The following PCDH1 variants were observed in gnomAD, a reference collection of about 807,000 sequenced individuals.
The protein encoded by PCDH1 is protocadherin 1.
Under a neutral mutation model 74.6 loss-of-function variants are expected in PCDH1, and 23 were observed. The observed-to-expected ratio is 0.31, with a 90% CI of 0.22 to 0.44. The LOEUF (loss-of-function observed/expected upper bound fraction) is 0.44. Ranked by LOEUF, PCDH1 falls within the 20% of genes least tolerant of loss-of-function variation. PCDH1 has a pLI of 1.00. For synonymous variants in PCDH1, 647 were observed against 686.1 expected, an observed-to-expected ratio of 0.94 and a Z score of 0.89; for missense variants, 1,214 against 1,641.4, an observed-to-expected ratio of 0.74 and a Z score of 4.50.
At position 141,868,439 on chromosome 5, in the gene PCDH1, G is replaced by A; in HGVS notation, c.903+130C>T. 7.0e-7 allele frequency: 1 copy of A among 1,435,416 alleles called. No individual in the cohort carries two copies. The highest frequency in any genetic ancestry group is 1.7e-5 in the South Asian group (1 of 59,544). 88.9% of individuals were successfully genotyped at this position (1,435,416 alleles called of 1,614,324 possible). A position where few individuals can be genotyped will look rare whatever the true frequency, so the allele number is the denominator to read the frequency against. ...GGGAAAGACTCCCCTGGCTGAGTTT[G>A]GGGAGAAGGGGTCTCACTACAGTAT... On this transcript the variant is annotated intron_variant, in intron 2 of 4. Coordinates refer to ENST00000287008, the MANE Select transcript of PCDH1 (RefSeq NM_032420.5). The surrounding 1 kb of genome is among the most constrained non-coding windows in gnomAD (Gnocchi z 4.8).
chr5:141,865,973 G>T lies in PCDH1; in HGVS notation c.904-546C>A. ...TGAGAAGGTATATGTGTTTGTATGTGTATGATTGTGTCAGAATGTGTGATT... is the reference window on the plus strand; with the variant it reads ...TGAGAAGGTATATGTGTTTGTATGTTTATGATTGTGTCAGAATGTGTGATT... On this transcript the variant is annotated intron_variant, in intron 2 of 4. Coordinates refer to ENST00000287008, the MANE Select transcript of PCDH1 (RefSeq NM_032420.5). This position sits in a 1 kb window ranked among gnomAD's most constrained non-coding sequence, Gnocchi z 4.4. 2 of 827,970 alleles carry T rather than the reference G, an allele frequency of 2.4e-6. No homozygotes were observed. Among genetic ancestry groups the T allele is most frequent in the Non-Finnish European group, 2.9e-6 (2 of 682,100 alleles). The allele number at this position is 827,970 out of a possible 1,614,324, so 51.3% of individuals were successfully genotyped here.
At chr5:141,875,830 C>A (rs1285822319) in intron 1 of PCDH1, among the ~76,000 whole-genome samples, 1 of 152,138 alleles carries the variant, frequency 6.6e-6, no homozygotes, top group African/African-American at 2.4e-5. Flanking sequence ...GTTGTAATTA[C>A]AGGTTCCAAT....
chr5:141,864,052 T>C lies in PCDH1; in HGVS notation c.2279A>G (p.Asn760Ser). The change falls in exon 3 of 5, where the codon AAC becomes AGC. Residue 760 changes from asparagine (N) to serine (S), a missense_variant. This residue lies in a region of PCDH1 where 836 missense variants were observed against 1,182.2 expected (regional missense o/e 0.71). Transcript: ENST00000287008. The surrounding 1 kb of genome is among the most constrained non-coding windows in gnomAD (Gnocchi z 5.9). ...CCCAATCTGGAAGAGTCCATAAGGGTTGCCACCTGCAATGCTGTAGATCAG... is the reference window on the plus strand; with the variant it reads ...CCCAATCTGGAAGAGTCCATAAGGGCTGCCACCTGCAATGCTGTAGATCAG... ...AELIYSIAGG[N>S]PYGLFQIGSH... 6.2e-7 allele frequency: 1 copy of C among 1,613,806 alleles called. No homozygotes were observed. Among genetic ancestry groups the C allele is most frequent in the Non-Finnish European group, 8.5e-7 (1 of 1,179,948 alleles).
At position 141,864,036 on chromosome 5, in the gene PCDH1, G is replaced by A. The variant is rs779077997; in HGVS notation, c.2295C>T (p.Phe765=). 2 of 1,614,032 alleles carry A rather than the reference G, an allele frequency of 1.2e-6. No homozygotes were observed. The highest frequency in any genetic ancestry group is 2.2e-5 in the South Asian group (2 of 91,082). The stretch of plus-strand genomic sequence containing the variant: ...TGGCACCTGAATGTGACCCAATCTG[G>A]AAGAGTCCATAAGGGTTGCCACCTG... ...SIAGGNPYGL[F]QIGSHSGAIT... is the part of the protein sequence containing the mutation. Residue 765 remains phenylalanine (F), a synonymous_variant, in exon 3 of 5, where the codon TTC becomes TTT. Coordinates refer to ENST00000287008, the MANE Select transcript of PCDH1 (RefSeq NM_032420.5). This position sits in a 1 kb window ranked among gnomAD's most constrained non-coding sequence, Gnocchi z 5.9.
chr5:141,862,872 T>G, intron 3 of PCDH1: 1 of 1,153,648 alleles, frequency 8.7e-7, no homozygotes, highest in Non-Finnish European at 1.1e-6. Context: ...GAGACCTAGG[T>G]TTGGAGTAGA....
In PCDH1 at chr5:141,864,257, C is replaced by T. The variant is rs774008852; in HGVS notation, c.2074G>A (p.Val692Ile). 8 of 1,611,650 alleles carry T rather than the reference C, an allele frequency of 5.0e-6. No homozygotes were observed. In the African/African-American group the frequency reaches 5.3e-5, roughly 11 times the overall value. The part of the protein sequence containing the change: ...TFQLKAVDGG[V>I]PPRSAYVGVT... ...CCAACGTAAGCTGAGCGAGGTGGGA[C>T]GCCACCATCCACTGCCTTCAGCTGG... Residue 692 changes from valine (V) to isoleucine (I), a missense_variant, in exon 3 of 5, where the codon GTC (valine) becomes ATC (isoleucine). Val to Ile is a conservative substitution (Grantham distance 29, BLOSUM62 3). Transcript: ENST00000287008. This position sits in a 1 kb window ranked among gnomAD's most constrained non-coding sequence, Gnocchi z 5.9.
Position 141,854,124 on chromosome 5 carries a change from A to G in PCDH1, c.3632T>C (p.Ile1211Thr). The stretch of plus-strand genomic sequence containing the variant: ...GAAGTCCGAGGTCTGGGTCAGGGGG[A>G]TTTCCTCCAAGGTGGCCGAGTCCTT... ...SCKDSATLEE[I>T]PLTQTSDFPP... The change falls in exon 5 of 5, where the codon ATC becomes ACC. Residue 1211 changes from isoleucine to threonine, a missense_variant. Coordinates refer to ENST00000287008, the MANE Select transcript of PCDH1 (RefSeq NM_032420.5). The G allele has an allele frequency of 1.3e-6, 2 of 1,586,686 alleles. 1 individual carries two copies. The highest frequency in any genetic ancestry group is 2.3e-5 in the South Asian group (2 of 87,302).
At chr5:141,876,814 A>G (rs1376338845) in intron 1 of PCDH1, among the ~76,000 whole-genome samples, 1 of 152,172 alleles carries the variant, frequency 6.6e-6, no homozygotes, top group Non-Finnish European at 1.5e-5. Flanking sequence ...GGTGTGCTGG[A>G]GACCCAGGTG....
chr5:141,859,467 T>C (rs1752484677), intron 3 of PCDH1, among the ~76,000 whole-genome samples: 1 of 152,222 alleles, frequency 6.6e-6, no homozygotes, highest in Non-Finnish European at 1.5e-5. Context: ...GTCCTGAAGC[T>C]CTAGACACTT....
At position 141,863,915 on chromosome 5, in the gene PCDH1, C is replaced by T; in HGVS notation, c.2416G>A (p.Ala806Thr). The stretch of plus-strand genomic sequence containing the variant: ...TCATTGACATAAAGATGGACCAAGG[C>T]TGTGCCATAGCGTGGGGGCTTGCCG... ...DRGKPPRYGT[A>T]LVHLYVNETL... is the part of the protein sequence containing the mutation. Residue 806 changes from alanine to threonine, a missense_variant, in exon 3 of 5, where the codon GCC (alanine) becomes ACC (threonine). This residue lies in a region of PCDH1 where 836 missense variants were observed against 1,182.2 expected (regional missense o/e 0.71). Transcript: ENST00000287008. The surrounding 1 kb of genome is among the most constrained non-coding windows in gnomAD (Gnocchi z 7.5). The T allele has an allele frequency of 1.9e-6, 3 of 1,614,182 alleles. No homozygotes were observed. The highest frequency in any genetic ancestry group is 2.5e-6 in the Non-Finnish European group (3 of 1,180,036).
chr5:141,868,782 T>A lies in PCDH1; in HGVS notation c.690A>T (p.Pro230=), dbSNP rs778098981. Residue 230 remains proline (P), a synonymous_variant, in exon 2 of 5, where the codon CCA becomes CCT. Coordinates refer to ENST00000287008, the MANE Select transcript of PCDH1 (RefSeq NM_032420.5). This position sits in a 1 kb window ranked among gnomAD's most constrained non-coding sequence, Gnocchi z 4.8. ...QVAEDQEEKQ[P]QLIVMGNLDR... Reference sequence around the variant, plus strand: ...CCAGGTTGCCCATCACAATGAGCTGTGGTTGCTTCTCCTCCTGGTCCTCTG... The same window carrying A: ...CCAGGTTGCCCATCACAATGAGCTGAGGTTGCTTCTCCTCCTGGTCCTCTG... 6.2e-7 allele frequency: 1 copy of A among 1,614,124 alleles called. No homozygotes were observed. Among genetic ancestry groups the A allele is most frequent in the South Asian group, 1.1e-5 (1 of 91,076 alleles).
rs374678011 is a variant in PCDH1 at position 141,854,450 on chromosome 5, C to T, written c.3320-14G>A. 5.7e-6 allele frequency: 9 copies of T among 1,582,692 alleles called. No individual in the cohort carries two copies. Among genetic ancestry groups the T allele is most frequent in the East Asian group, 4.5e-5 (2 of 44,522 alleles). ...AAGGGCGAAGGTCTGTAGGAGGGAGCGGGGAAGGACAATTGTCAGACATAC... is the reference window on the plus strand; with the variant it reads ...AAGGGCGAAGGTCTGTAGGAGGGAGTGGGGAAGGACAATTGTCAGACATAC... On this transcript the variant is annotated splice_polypyrimidine_tract_variant and intron_variant, in intron 4 of 4. Coordinates refer to ENST00000287008, the MANE Select transcript of PCDH1 (RefSeq NM_032420.5).
At chr5:141,867,396 C>T (rs888289629) in intron 2 of PCDH1, 1 of 343,670 alleles carries the variant, frequency 2.9e-6, no homozygotes, top group Non-Finnish European at 5.6e-6. Context: ...AACTCATTAG[C>T]TGTAGGATAT....
At chr5:141,877,009 C>A (rs543521574) in intron 1 of PCDH1, among the ~76,000 whole-genome samples, 1 of 152,240 alleles carries the variant, frequency 6.6e-6, no homozygotes, top group Non-Finnish European at 1.5e-5. Context: ...GAGGCGCCGA[C>A]TGGGAAGCCG....
chr5:141,863,590 T>G lies in PCDH1; in HGVS notation c.2741A>C (p.Lys914Thr). The change falls in exon 3 of 5, where the codon AAG becomes ACG. Residue 914 changes from lysine to threonine, a missense_variant. By Grantham distance (78) the Lys-to-Thr change is moderately conservative. Coordinates refer to ENST00000287008, the MANE Select transcript of PCDH1 (RefSeq NM_032420.5). This position sits in a 1 kb window ranked among gnomAD's most constrained non-coding sequence, Gnocchi z 7.5. ...KASKGNKSKG[K>T]KSKSPKPVKP... ...CACGGGCTTTGGGGACTTGCTCTTC[T>G]TGCCTTTGCTTTTGTTTCCCTTGGA... The G allele has an allele frequency of 6.2e-7, 1 of 1,614,220 alleles. No homozygotes were observed. Among genetic ancestry groups the G allele is most frequent in the Non-Finnish European group, 8.5e-7 (1 of 1,180,032 alleles).
At position 141,865,561 on chromosome 5, in the gene PCDH1, TCCA is replaced by T. The variant is rs1447890236; in HGVS notation, c.904-137_904-135del. 9.8e-7 allele frequency: 1 copy of T among 1,018,822 alleles called. No individual in the cohort carries two copies. Among genetic ancestry groups the T allele is most frequent in the Admixed American group, 2.2e-5 (1 of 44,572 alleles). 63.1% of individuals were successfully genotyped at this position (1,018,822 alleles called of 1,614,324 possible). On this transcript the variant is annotated intron_variant, in intron 2 of 4. Transcript: ENST00000287008. The surrounding 1 kb of genome is among the most constrained non-coding windows in gnomAD (Gnocchi z 4.4). ...ACAGCCAATCCAACATCGCTCCCTT[TCCA>T]GAAGCCATGTGTGTCCTGCCTTTTC...
intron 3 of PCDH1, among the ~76,000 whole-genome samples, chr5:141,859,383 T>A (rs746226709): frequency 6.6e-6 from 1 of 152,206 alleles, no homozygotes; most frequent in Non-Finnish European, 1.5e-5. Context: ...TACCCAACAC[T>A]TAATGTTCCC....
intron 3 of PCDH1, among the ~76,000 whole-genome samples, chr5:141,859,923 A>T (rs986060919): frequency 3.3e-5 from 5 of 152,164 alleles, no homozygotes; most frequent in African/African-American, 1.2e-4. Context: ...TACAACCTAC[A>T]GTTCTTCCAG....
chr5:141,872,497 G>A (rs1214358388), intron 1 of PCDH1, among the ~76,000 whole-genome samples: 5 of 152,086 alleles, frequency 3.3e-5, no homozygotes, highest in African/African-American at 9.7e-5. Flanking sequence ...ATTTTTCCAG[G>A]AAAAATGACT....
Sources: gnomAD v4.1 joint callset for allele counts (sites outside exome capture counted in the v4.1 genomes callset) on GRCh38, gnomAD v4.1.1 for gene constraint, gnomAD v4.1.1 regional missense constraint, Gnocchi (gnomAD v3.1) non-coding constraint, MANE v1.5 for transcripts, NCBI Gene and HGNC (gene_info 2026-07-23, HGNC 2026-07-21) for gene names.